ZNF704: variants seen among roughly 807,000 people sequenced by gnomAD.
The protein encoded by ZNF704 is glucocorticoid induced gene 1.
Under a neutral mutation model 44.7 loss-of-function variants are expected in ZNF704, and 10 were observed. The ratio of observed to expected loss-of-function variants is 0.22; its 90% confidence interval spans 0.14 to 0.38. The LOEUF is 0.38. ZNF704 is among the 10% of genes least tolerant of loss of function. The pLI, the probability that ZNF704 is intolerant of heterozygous loss-of-function variation, is 1.00. For synonymous variants in ZNF704, 211 were observed against 207.6 expected (o/e 1.02, Z -0.14); for missense variants, 390 against 545.5 (o/e 0.71, Z 2.84).
At chr8:80,809,484 C>T (rs899345216) in intron 2 of ZNF704, among the ~76,000 whole-genome samples, 4 of 152,276 alleles carry the variant, frequency 2.6e-5, no homozygotes, top group Admixed American at 6.5e-5. Flanking sequence ...AAGCAGAGTT[C>T]GTGAGCTTCC....
chr8:80,688,363 T>A (rs968276038), intron 3 of ZNF704, among the ~76,000 whole-genome samples: 1 of 152,250 alleles, frequency 6.6e-6, no homozygotes, highest in Non-Finnish European at 1.5e-5. Context: ...CAAATAGTAA[T>A]GCCTTACATT....
intron 1 of ZNF704, among the ~76,000 whole-genome samples, chr8:80,838,131 A>G (rs1288422230): frequency 6.6e-6 from 1 of 152,100 alleles, no homozygotes; most frequent in African/African-American, 2.4e-5. Flanking sequence ...AGGCACAAAC[A>G]CACAGCAAGA....
intron 2 of ZNF704, among the ~76,000 whole-genome samples, chr8:80,733,627 T>C (rs567230529): frequency 1.3e-5 from 2 of 152,326 alleles, no homozygotes; most frequent in South Asian, 4.1e-4. Context: ...GGTTGGTTTC[T>C]GGATTTCAAA....
chr8:80,796,459 C>T lies in ZNF704; in HGVS notation c.221+24915G>A, dbSNP rs76381474. On this transcript the variant is annotated intron_variant, in intron 2 of 8. Coordinates refer to ENST00000327835, the MANE Select transcript of ZNF704 (RefSeq NM_001033723.3). The stretch of plus-strand genomic sequence containing the variant: ...ATCTTCCCACCTCTCAATACCACCA[C>T]ATTGGAAATTAAGCTTCAACATGAG... Among the ~76,000 whole-genome samples, 300 of 152,344 alleles carry T rather than the reference C, an allele frequency of 2.0e-3. 1 individual carries two copies. Among genetic ancestry groups the T allele is most frequent in the African/African-American group, 7.0e-3 (289 of 41,580 alleles).
At chr8:80,797,965 G>C (rs1342271138) in intron 2 of ZNF704, among the ~76,000 whole-genome samples, 3 of 152,156 alleles carry the variant, frequency 2.0e-5, no homozygotes, top group Non-Finnish European at 4.4e-5. Context: ...AATGTAAGTG[G>C]TTAAAGGTAG....
chr8:80,727,433 GTTTT>G (rs886991778), intron 2 of ZNF704, among the ~76,000 whole-genome samples: 1 of 142,322 alleles, frequency 7.0e-6, no homozygotes, highest in African/African-American at 2.6e-5. Flanking sequence ...TTTTGTTTTT[GTTTT>G]TTTTTTTCGT....
In ZNF704 at chr8:80,693,027, C is replaced by T. The variant is rs757683382; in HGVS notation, c.302G>A (p.Arg101Gln). The T allele has an allele frequency of 1.5e-5, 25 of 1,614,032 alleles. No individual in the cohort carries two copies. Among genetic ancestry groups the T allele is most frequent in the South Asian group, 5.5e-5 (5 of 91,078 alleles). Residue 101 changes from arginine to glutamine, a missense_variant, in exon 3 of 9, where the codon CGA (arginine) becomes CAA (glutamine). Arg to Gln is a conservative substitution (Grantham distance 43). This residue lies in a region of ZNF704 where 305 missense variants were observed against 435.7 expected (regional missense o/e 0.70). Transcript: ENST00000327835. ...ACCGTTCGGCCGCACGGGAGGACTT[C>T]GAACCAAAGGGCTAGTCGACAAGCT... ...LTSLSTSPLV[R>Q]SPPVRPNESL...
At chr8:80,726,137 T>C (rs1806477172) in intron 2 of ZNF704, among the ~76,000 whole-genome samples, 2 of 152,042 alleles carry the variant, frequency 1.3e-5, no homozygotes. Flanking sequence ...TTAATAATTA[T>C]AAAATTAATA....
intron 2 of ZNF704, among the ~76,000 whole-genome samples, chr8:80,779,219 G>A (rs1807469416): frequency 6.6e-6 from 1 of 151,166 alleles, no homozygotes; most frequent in Admixed American, 6.6e-5. Context: ...TTCCAGGCCA[G>A]TTGTTTTACA....
At chr8:80,762,055 C>A (rs1807140909) in intron 2 of ZNF704, among the ~76,000 whole-genome samples, 1 of 152,128 alleles carries the variant, frequency 6.6e-6, no homozygotes, top group South Asian at 2.1e-4. Flanking sequence ...CATATGCGCA[C>A]AATGCTTATA....
intron 1 of ZNF704, among the ~76,000 whole-genome samples, chr8:80,822,762 C>A (rs1204290994): frequency 6.6e-6 from 1 of 152,154 alleles, no homozygotes; most frequent in Non-Finnish European, 1.5e-5. Context: ...GATGGTATCT[C>A]ATTGTGGTTT....
At chr8:80,642,420 G>A (rs1257506618) in intron 8 of ZNF704, among the ~76,000 whole-genome samples, 1 of 152,132 alleles carries the variant, frequency 6.6e-6, no homozygotes, top group Non-Finnish European at 1.5e-5. Flanking sequence ...AGTACAGTTC[G>A]TTACAGTCAA....
At chr8:80,783,383 G>A (rs565826414) in intron 2 of ZNF704, among the ~76,000 whole-genome samples, 5 of 152,078 alleles carry the variant, frequency 3.3e-5, no homozygotes, top group Admixed American at 6.6e-5. Context: ...TTTGTTACAT[G>A]GGTAAATGTG....
intron 1 of ZNF704, among the ~76,000 whole-genome samples, chr8:80,865,489 CAAT>C (rs1474892719): frequency 6.6e-6 from 1 of 152,166 alleles, no homozygotes; most frequent in Non-Finnish European, 1.5e-5. Flanking sequence ...GATGCGCCAA[CAAT>C]GAGGGTCACA....
intron 6 of ZNF704, among the ~76,000 whole-genome samples, chr8:80,661,657 G>C (rs1449924917): frequency 6.6e-6 from 1 of 152,178 alleles, no homozygotes; most frequent in Non-Finnish European, 1.5e-5. Context: ...AATGGAACTA[G>C]AGGTCACTAT....
chr8:80,873,318 C>T (rs1809288913), intron 1 of ZNF704, among the ~76,000 whole-genome samples: 1 of 152,172 alleles, frequency 6.6e-6, no homozygotes. Context: ...TTGAGGAAAG[C>T]GGGAGCCGCC....
intron 2 of ZNF704, among the ~76,000 whole-genome samples, chr8:80,820,760 G>A (rs1416558312): frequency 6.6e-6 from 1 of 152,002 alleles, no homozygotes; most frequent in Admixed American, 6.6e-5. Context: ...TAATTAGCTG[G>A]GCATGGCTGC....
chr8:80,822,121 TTTTAA>T (rs1478616785), intron 1 of ZNF704, among the ~76,000 whole-genome samples: 2 of 152,214 alleles, frequency 1.3e-5, no homozygotes, highest in African/African-American at 4.8e-5. Flanking sequence ...TATTAATTTA[TTTTAA>T]TTTTTTAATT....
intron 2 of ZNF704, among the ~76,000 whole-genome samples, chr8:80,697,975 TTTC>T (rs1818752329): frequency 6.6e-6 from 1 of 152,134 alleles, no homozygotes; most frequent in Non-Finnish European, 1.5e-5. Context: ...CTCACTAGAG[TTTC>T]CAGTCGGTGC....
Sources: allele counts gnomAD v4.1 joint callset (sites outside exome capture counted in the v4.1 genomes callset), GRCh38; gene constraint gnomAD v4.1.1; regional missense constraint gnomAD v4.1.1; transcripts MANE v1.5; gene names NCBI Gene and HGNC (gene_info 2026-07-23, HGNC 2026-07-21).